Variants in PPP4R1 observed in about 807,000 individuals in gnomAD.
PPP4R1 encodes the protein protein phosphatase 4 regulatory subunit 1, also known as serine/threonine-protein phosphatase 4 regulatory subunit 1.
PPP4R1 carries 42 observed loss-of-function variants against 111.2 expected under a neutral mutation model. The observed-to-expected ratio is 0.38, with a 90% confidence interval of 0.29 to 0.49. The LOEUF is 0.49. Ranked by LOEUF, PPP4R1 falls within the 20% of genes least tolerant of loss-of-function variation. PPP4R1 has a pLI of 0.97. For missense variants in PPP4R1, 1,012 were observed against 1,161.6 expected (o/e 0.87, Z 1.87); for synonymous variants, 409 against 405.5 (o/e 1.01, Z -0.10).
chr18:9,583,981 T>C (rs904778695), intron 8 of PPP4R1, among the ~76,000 whole-genome samples: 1 of 152,202 alleles, frequency 6.6e-6, no homozygotes, highest in Non-Finnish European at 1.5e-5. Context: ...GTCGGATTTC[T>C]GGCTATGCAA....
intron 11 of PPP4R1, among the ~76,000 whole-genome samples, chr18:9,565,819 G>A (rs935177010): frequency 6.6e-6 from 1 of 152,222 alleles, no homozygotes; most frequent in African/African-American, 2.4e-5. Context: ...GAAGTGCAAG[G>A]TGAAGCAGCC....
At chr18:9,590,215 G>A (rs2067188413) in intron 4 of PPP4R1, 1 of 152,058 alleles carries the variant, frequency 6.6e-6, no homozygotes, top group South Asian at 2.1e-4. Context: ...GTGTCTACTA[G>A]GATTTCAGAT....
chr18:9,598,563 C>T (rs1255353077), intron 2 of PPP4R1, among the ~76,000 whole-genome samples: 3 of 147,358 alleles, frequency 2.0e-5, no homozygotes, highest in Non-Finnish European at 4.5e-5. Flanking sequence ...AACAAGACAT[C>T]TTTCAAATAT....
chr18:9,550,805 C>A, intron 16 of PPP4R1: 1 of 165,220 alleles, frequency 6.1e-6, no homozygotes, highest in Admixed American at 5.9e-5. Flanking sequence ...CACTGTGTAC[C>A]TGTCGAGGCT....
In PPP4R1 at chr18:9,614,162, G is replaced by A. The variant is rs1489103012; in HGVS notation, c.52+64C>T. 4 of 1,260,204 alleles carry A rather than the reference G, an allele frequency of 3.2e-6. No homozygotes were observed. In the African/African-American group the frequency reaches 4.8e-5, roughly 15 times the overall value. 78.1% of individuals were successfully genotyped at this position (1,260,204 alleles called of 1,614,324 possible). A position where few individuals can be genotyped will look rare whatever the true frequency, so the allele number is the denominator to read the frequency against. On this transcript the variant is annotated intron_variant, in intron 2 of 19. Coordinates refer to ENST00000400556, the MANE Select transcript of PPP4R1 (RefSeq NM_001042388.3). This position sits in a 1 kb window ranked among gnomAD's most constrained non-coding sequence, Gnocchi z 4.1. ...GCCAGGGCCCGGCCCAGGCCTCGCC[G>A]CCGCCCGCCCTCCCCGGCCGCTCCC...
chr18:9,570,104 A>T, intron 11 of PPP4R1, 53 bp downstream of exon 11: 1 of 1,466,558 alleles, frequency 6.8e-7, no homozygotes, highest in Non-Finnish European at 9.0e-7. Flanking sequence ...TTTAAGATAG[A>T]CACTAATATT....
chr18:9,614,491 G>A lies in PPP4R1; in HGVS notation c.-7C>T, dbSNP rs1478574197. 2 of 1,030,740 alleles carry A rather than the reference G, an allele frequency of 1.9e-6. No individual in the cohort carries two copies. Among genetic ancestry groups the A allele is most frequent in the African/African-American group, 1.7e-5 (1 of 57,684 alleles). 63.8% of individuals were successfully genotyped at this position (1,030,740 alleles called of 1,614,324 possible). A position where few individuals can be genotyped will look rare whatever the true frequency, so the allele number is the denominator to read the frequency against. On this transcript the variant is annotated 5_prime_UTR_variant, in exon 1 of 20. Coordinates refer to ENST00000400556, the MANE Select transcript of PPP4R1 (RefSeq NM_001042388.3). This position sits in a 1 kb window ranked among gnomAD's most constrained non-coding sequence, Gnocchi z 4.1. ...GGGGCCACGTACCCGCCATCTTGTG[G>A]TCGCCCCCTCCTCCGCGGCCGCCCG... is the stretch of plus-strand genomic sequence containing the variant.
At chr18:9,584,487 T>G in intron 8 of PPP4R1, 28 bp downstream of exon 8, 1 of 1,596,384 alleles carries the variant, frequency 6.3e-7, no homozygotes, top group Non-Finnish European at 8.5e-7. Context: ...ACACACACTG[T>G]TTACTCCTTT....
At chr18:9,555,881 A>G (rs1413740204) in intron 15 of PPP4R1, among the ~76,000 whole-genome samples, 2 of 152,112 alleles carry the variant, frequency 1.3e-5, no homozygotes, top group East Asian at 3.9e-4. Flanking sequence ...TCACGCCTGT[A>G]ATCCCAGCAC....
At chr18:9,562,857 T>C (rs952418792) in intron 12 of PPP4R1, 2 of 985,042 alleles carry the variant, frequency 2.0e-6, no homozygotes, top group South Asian at 4.7e-5. Flanking sequence ...AGCAGGAAAT[T>C]AGGGAAGGAT....
At chr18:9,610,969 A>G (rs2067569415) in intron 2 of PPP4R1, among the ~76,000 whole-genome samples, 1 of 151,990 alleles carries the variant, frequency 6.6e-6, no homozygotes. Context: ...TCTTTGACCA[A>G]CCTTTTCCCC....
intron 13 of PPP4R1, among the ~76,000 whole-genome samples, chr18:9,561,341 C>T (rs1275244287): frequency 6.6e-6 from 1 of 151,942 alleles, no homozygotes; most frequent in Non-Finnish European, 1.5e-5. Flanking sequence ...GAAACTACAA[C>T]GAGTAGCATC....
chr18:9,563,620 A>C (rs781749125), intron 11 of PPP4R1, 70 bp from the exon 12 acceptor site: 2 of 1,360,580 alleles, frequency 1.5e-6, no homozygotes, highest in Non-Finnish European at 2.0e-6. Context: ...GCTGTTCTCC[A>C]TTTGCACTGT....
At position 9,547,593 on chromosome 18, in the gene PPP4R1, AT is replaced by A. The variant is rs1157644700; in HGVS notation, c.*195del. On this transcript the variant is annotated 3_prime_UTR_variant, in exon 20 of 20. Coordinates refer to ENST00000400556, the MANE Select transcript of PPP4R1 (RefSeq NM_001042388.3). ...TATTTCCCCTTAAAGTCAAGATAAG[AT>A]AATAGTGTTTACTGTACTTTCTCTT... The A allele has an allele frequency of 1.8e-6, 1 of 554,294 alleles. No homozygotes were observed. The highest frequency in any genetic ancestry group is 1.9e-5 in the African/African-American group (1 of 53,646). 34.3% of individuals were successfully genotyped at this position (554,294 alleles called of 1,614,324 possible).
intron 2 of PPP4R1, among the ~76,000 whole-genome samples, chr18:9,601,958 A>T (rs116266483): frequency 0.011 from 1,747 of 152,304 alleles, 33 homozygotes; most frequent in African/African-American, 0.039. Flanking sequence ...GGAATCAAAT[A>T]TGTTACAATA....
At chr18:9,583,644 G>A (rs1391163088) in intron 8 of PPP4R1, among the ~76,000 whole-genome samples, 1 of 152,148 alleles carries the variant, frequency 6.6e-6, no homozygotes, top group Non-Finnish European at 1.5e-5. Context: ...TAGGATTACA[G>A]GTGTGAGCCA....
rs770810782 is a variant in PPP4R1 at position 9,570,173 on chromosome 18, A to G, written c.1557T>C (p.Asp519=). 11 of 1,518,490 alleles carry G rather than the reference A, an allele frequency of 7.2e-6. No individual in the cohort carries two copies. The highest frequency in any genetic ancestry group is 9.7e-6 in the Non-Finnish European group (11 of 1,134,106). The allele number at this position is 1,518,490 out of a possible 1,614,324, so 94.1% of individuals were successfully genotyped here. A position where few individuals can be genotyped will look rare whatever the true frequency, so the allele number is the denominator to read the frequency against. The change falls in exon 11 of 20, where the codon GAT becomes GAC. Residue 519 remains aspartate, a synonymous_variant. Coordinates refer to ENST00000400556, the MANE Select transcript of PPP4R1 (RefSeq NM_001042388.3). ...EMIENLEPHI[D]DPDVKAQVEV... The stretch of plus-strand genomic sequence containing the variant: ...CTTCCATACCTTTAACATCTGGATC[A>G]TCAATGTGGGGCTCTAGATTTTCTA...
intron 3 of PPP4R1, chr18:9,594,335 C>T (rs56883068): frequency 0.17 from 25,115 of 152,096 alleles, 2,874 homozygotes; most frequent in African/African-American, 0.33. Flanking sequence ...AAGTGGCAAA[C>T]GGCAGTATTG....
At position 9,594,140 on chromosome 18, in the gene PPP4R1, G is replaced by A. The variant is rs1194954186; in HGVS notation, c.189-266C>T. On this transcript the variant is annotated intron_variant, in intron 3 of 19. Coordinates refer to ENST00000400556, the MANE Select transcript of PPP4R1 (RefSeq NM_001042388.3). ...AGATGCTGTTTCACCATGTTGCCCA[G>A]GCTGGTCTCAAACTCCCGGGCTCAA... The A allele has an allele frequency of 1.3e-5, 3 of 238,578 alleles. No individual in the cohort carries two copies. In the South Asian group the frequency reaches 2.2e-4, roughly 17 times the overall value. The allele number at this position is 238,578 out of a possible 1,614,324, so 14.8% of individuals were successfully genotyped here.
Sources: gnomAD v4.1 joint callset for allele counts (sites outside exome capture counted in the v4.1 genomes callset) on GRCh38, gnomAD v4.1.1 for gene constraint, Gnocchi (gnomAD v3.1) non-coding constraint, MANE v1.5 for transcripts, NCBI Gene and HGNC (gene_info 2026-07-23, HGNC 2026-07-21) for gene names.